DEPTOR: variants seen among roughly 807,000 people sequenced by gnomAD.
DEPTOR encodes the protein DEP domain containing MTOR interacting protein.
A neutral mutation model predicts 41.6 loss-of-function variants in DEPTOR; 41 were observed. That is an observed-to-expected ratio of 0.98 (90% CI 0.77 to 1.28). The LOEUF is 1.28. Among genes scored for constraint, DEPTOR ranks in the 50% most tolerant of loss-of-function variants. DEPTOR has a pLI of 0.00. For missense variants in DEPTOR, 514 were observed against 527.9 expected, an observed-to-expected ratio of 0.97 and a Z score of 0.26; for synonymous variants, 195 against 192.3, an observed-to-expected ratio of 1.01 and a Z score of -0.12.
chr8:119,951,060 T>C (rs374405544), intron 3 of DEPTOR, among the ~76,000 whole-genome samples: 79 of 128,992 alleles, frequency 6.1e-4, no homozygotes, highest in African/African-American at 2.0e-3. Context: ...CTATCTAATA[T>C]ACACACACAC....
intron 1 of DEPTOR, among the ~76,000 whole-genome samples, chr8:119,883,487 A>T (rs1262198534): frequency 6.8e-6 from 1 of 146,066 alleles, no homozygotes; most frequent in East Asian, 1.9e-4. Context: ...AAAAAAAAAA[A>T]AAAAAAAAAG....
intron 5 of DEPTOR, among the ~76,000 whole-genome samples, 186 bp from the exon 6 acceptor site, chr8:120,002,791 A>AAAAAAAATATATATATATATATATATAT: frequency 4.9e-5 from 3 of 60,668 alleles, no homozygotes; most frequent in South Asian, 9.5e-4. Flanking sequence ...AAAAAAAAAA[A>AAAAAAAATATATATATATATATATATAT]ATATATATAT....
intron 1 of DEPTOR, among the ~76,000 whole-genome samples, chr8:119,926,161 G>A (rs1586617921): frequency 6.6e-6 from 1 of 152,098 alleles, no homozygotes; most frequent in Non-Finnish European, 1.5e-5. Context: ...CACTCCACCA[G>A]CTTTACCAAT....
intron 4 of DEPTOR, among the ~76,000 whole-genome samples, chr8:119,976,614 A>G (rs1013272117): frequency 6.6e-6 from 1 of 152,218 alleles, no homozygotes; most frequent in Non-Finnish European, 1.5e-5. Context: ...AAACTGAAGC[A>G]ACTCTGGGGA....
intron 8 of DEPTOR, among the ~76,000 whole-genome samples, chr8:120,017,890 G>T (rs187618598): frequency 1.0e-3 from 154 of 152,242 alleles, no homozygotes; most frequent in Admixed American, 2.1e-3. Flanking sequence ...GTTTCCTGCC[G>T]TGATGAATTG....
rs771143966 is a variant in DEPTOR at position 120,006,812 on chromosome 8, G to A, written c.933G>A (p.Lys311=). ...ATTGTGTTTGTCTGCCAGTGCTGAA[G>A]AGACCTGTCACCTCTGAGGAACTCC... ...PVLCNPKSVL[K]RPVTSEELLT... Residue 311 remains lysine, a synonymous_variant, in exon 7 of 9, where the codon AAG becomes AAA. Transcript: ENST00000286234. The A allele has an allele frequency of 4.2e-5, 67 of 1,613,952 alleles. No homozygotes were observed. The highest frequency in any genetic ancestry group is 5.6e-5 in the Non-Finnish European group (66 of 1,179,990).
intron 1 of DEPTOR, among the ~76,000 whole-genome samples, chr8:119,876,394 T>C (rs1175849408): frequency 6.6e-6 from 1 of 152,178 alleles, no homozygotes; most frequent in Non-Finnish European, 1.5e-5. Context: ...TCCTGGCCCT[T>C]TGGGAGACCA....
At chr8:119,924,993 C>T (rs1827945749) in intron 1 of DEPTOR, among the ~76,000 whole-genome samples, 2 of 152,318 alleles carry the variant, frequency 1.3e-5, no homozygotes, top group South Asian at 4.1e-4. Context: ...GTTTAATGGA[C>T]TGTCAGTTCC....
rs183714318 is a variant in DEPTOR at position 120,015,720 on chromosome 8, G to A, written c.1101+6587G>A. ...GAGACAGAGGGAGGGGGGCTCCAAA[G>A]CCGAAAGAGGAGACCCCAGGTGCCA... On this transcript the variant is annotated intron_variant, in intron 8 of 8. Transcript: ENST00000286234. 4.2e-3 allele frequency among the ~76,000 whole-genome samples: 640 copies of A among 152,288 alleles called. 1 individual carries two copies. Among genetic ancestry groups the A allele is most frequent in the African/African-American group, 0.015 (614 of 41,576 alleles).
At position 120,016,814 on chromosome 8, in the gene DEPTOR, G is replaced by C. The variant is rs190801331; in HGVS notation, c.1101+7681G>C. Among the ~76,000 whole-genome samples, 332 of 151,968 alleles carry C rather than the reference G, an allele frequency of 2.2e-3. 3 individuals carry two copies. The highest frequency in any genetic ancestry group is 7.8e-3 in the African/African-American group (322 of 41,452). ...AGATGGAGTTTCACCATGTTGCCTAGGTTGTTCTCGAACTCCTGACCTCAA... is the reference window on the plus strand; with the variant it reads ...AGATGGAGTTTCACCATGTTGCCTACGTTGTTCTCGAACTCCTGACCTCAA... On this transcript the variant is annotated intron_variant, in intron 8 of 8. Transcript: ENST00000286234.
intron 8 of DEPTOR, among the ~76,000 whole-genome samples, chr8:120,046,775 C>T (rs1440726702): frequency 6.6e-6 from 1 of 152,140 alleles, no homozygotes; most frequent in African/African-American, 2.4e-5. Flanking sequence ...TGGGGTCCTT[C>T]AGTTCTTGAA....
intron 1 of DEPTOR, among the ~76,000 whole-genome samples, chr8:119,910,790 A>G (rs571716131): frequency 6.6e-6 from 1 of 152,304 alleles, no homozygotes; most frequent in East Asian, 1.9e-4. Context: ...AATAAATCAC[A>G]GTACCAAGTG....
chr8:120,038,712 G>A (rs1278967450), intron 8 of DEPTOR, among the ~76,000 whole-genome samples: 1 of 152,188 alleles, frequency 6.6e-6, no homozygotes, highest in African/African-American at 2.4e-5. Flanking sequence ...TGCCTATTTG[G>A]GGGAAGCTGA....
intron 8 of DEPTOR, among the ~76,000 whole-genome samples, chr8:120,041,740 G>T (rs575685249): frequency 8.7e-4 from 132 of 152,202 alleles, no homozygotes; most frequent in Non-Finnish European, 1.5e-3. Context: ...GTTTCACCAT[G>T]TTGGCCAGGC....
intron 8 of DEPTOR, among the ~76,000 whole-genome samples, chr8:120,031,426 C>T (rs1205674481): frequency 6.6e-6 from 1 of 152,106 alleles, no homozygotes; most frequent in South Asian, 2.1e-4. Context: ...GATTGCGCCA[C>T]TGCACTCCAG....
intron 4 of DEPTOR, among the ~76,000 whole-genome samples, chr8:119,993,717 G>C (rs1586649083): frequency 6.6e-6 from 1 of 151,758 alleles, no homozygotes; most frequent in Non-Finnish European, 1.5e-5. Context: ...GGCACAAACT[G>C]TTCCCCATGC....
chr8:119,966,088 T>C (rs1828554706), intron 4 of DEPTOR, among the ~76,000 whole-genome samples: 1 of 152,222 alleles, frequency 6.6e-6, no homozygotes, highest in Non-Finnish European at 1.5e-5. Flanking sequence ...CAGTACAATG[T>C]AACAACTACT....
chr8:119,957,571 A>T (rs374405871), intron 3 of DEPTOR, among the ~76,000 whole-genome samples: 12 of 147,198 alleles, frequency 8.2e-5, no homozygotes, highest in Admixed American at 2.0e-4. Flanking sequence ...GGGTCCTTCT[A>T]TTTTTTTTTT....
intron 1 of DEPTOR, chr8:119,891,027 C>T (rs1318367512): frequency 6.6e-6 from 1 of 152,058 alleles, no homozygotes; most frequent in East Asian, 1.9e-4. Context: ...GCTTATGTAA[C>T]ATTAAATTTC....
Sources: gnomAD v4.1 joint callset for allele counts (sites outside exome capture counted in the v4.1 genomes callset) on GRCh38, gnomAD v4.1.1 for gene constraint, MANE v1.5 for transcripts, NCBI Gene and HGNC (gene_info 2026-07-23, HGNC 2026-07-21) for gene names.